Variants in DYSF observed in about 807,000 individuals in gnomAD.
The protein encoded by DYSF is dysferlin.
DYSF carries 212 observed loss-of-function variants against 274.9 expected under a neutral mutation model. That is an observed-to-expected ratio of 0.77 (90% CI 0.69 to 0.86). The LOEUF (loss-of-function observed/expected upper bound fraction) is 0.86, where lower values mean the gene tolerates loss of function less well. Ranked by LOEUF, DYSF falls within the 40% of genes least tolerant of loss-of-function variation. The pLI, the probability that DYSF is intolerant of heterozygous loss-of-function variation, is 0.00. For missense variants in DYSF, 2,666 were observed against 2,783.2 expected (o/e 0.96, Z 0.95); for synonymous variants, 1,091 against 1,078.7 (o/e 1.01, Z -0.22).
In DYSF at chr2:71,611,187, C is replaced by CT. The variant is rs1574337020; in HGVS notation, c.3958-53dup. 6.2e-6 allele frequency: 8 copies of CT among 1,288,718 alleles called. No individual in the cohort carries two copies. In the East Asian group the frequency reaches 1.8e-4, roughly 30 times the overall value. The allele number at this position is 1,288,718 out of a possible 1,614,324, so 79.8% of individuals were successfully genotyped here. Reference sequence around the variant, plus strand: ...TGTCCTATCTGTCCTTCTCTCTTGTCTTTTTGCCTTGGTCTTCCTTCCACC... The same window carrying CT: ...TGTCCTATCTGTCCTTCTCTCTTGTCTTTTTTGCCTTGGTCTTCCTTCCACC... On this transcript the variant is annotated intron_variant, in intron 36 of 55. Transcript: ENST00000410020.
intron 30 of DYSF, among the ~76,000 whole-genome samples, chr2:71,583,001 G>T (rs1162516938): frequency 2.5e-5 from 3 of 120,042 alleles, no homozygotes; most frequent in African/African-American, 9.6e-5. Context: ...CTGTGATTGC[G>T]CCACTGCACT....
chr2:71,468,491 C>T (rs2081706756), intron 1 of DYSF, among the ~76,000 whole-genome samples: 1 of 152,116 alleles, frequency 6.6e-6, no homozygotes, highest in South Asian at 2.1e-4. Flanking sequence ...CCCTTGAGGC[C>T]CCTCTTTACT....
chr2:71,678,340 C>A (rs1296874588), intron 52 of DYSF, among the ~76,000 whole-genome samples: 2 of 151,582 alleles, frequency 1.3e-5, no homozygotes, highest in African/African-American at 4.9e-5. Flanking sequence ...CTTACTCAAC[C>A]ATAAAAAAAA....
intron 32 of DYSF, among the ~76,000 whole-genome samples, chr2:71,593,319 T>A (rs1292185903): frequency 6.6e-6 from 1 of 151,588 alleles, no homozygotes; most frequent in Non-Finnish European, 1.5e-5. Context: ...TTAGTAGAGA[T>A]GAGATTTCCC....
intron 42 of DYSF, among the ~76,000 whole-genome samples, chr2:71,646,326 G>A (rs922687091): frequency 1.3e-5 from 2 of 152,222 alleles, no homozygotes; most frequent in Non-Finnish European, 2.9e-5. Flanking sequence ...CTGGCCCCTC[G>A]CTGCTCCCTC....
At chr2:71,469,829 G>A (rs79326814) in intron 1 of DYSF, among the ~76,000 whole-genome samples, 16 of 152,062 alleles carry the variant, frequency 1.1e-4, no homozygotes, top group East Asian at 9.7e-4. Flanking sequence ...TTGTGTCAAC[G>A]AGCAGCTTAA....
Position 71,539,249 on chromosome 2 carries a change from C to T in DYSF, c.1576+10C>T, listed in dbSNP as rs2152767049. On this transcript the variant is annotated intron_variant, in intron 17 of 55. Coordinates refer to ENST00000410020, the MANE Select transcript of DYSF (RefSeq NM_001130987.2). ...GGAGGAGAAATAGAAGGTATGTTCC[C>T]TCTTCGTTCTGCCCTTTGACCCCCT... 5.0e-6 allele frequency: 8 copies of T among 1,612,332 alleles called. No individual in the cohort carries two copies. The highest frequency in any genetic ancestry group is 6.8e-6 in the Non-Finnish European group (8 of 1,178,420).
chr2:71,524,373 C>T (rs1458457937), intron 12 of DYSF, among the ~76,000 whole-genome samples: 1 of 152,186 alleles, frequency 6.6e-6, no homozygotes, highest in Non-Finnish European at 1.5e-5. Flanking sequence ...ACAGTAGGTG[C>T]TCAGTCAGTG....
At chr2:71,581,292 C>G (rs2092888554) in intron 30 of DYSF, among the ~76,000 whole-genome samples, 1 of 152,224 alleles carries the variant, frequency 6.6e-6, no homozygotes, top group East Asian at 1.9e-4. Context: ...CCCCAGGGGC[C>G]AGCCAGTAGT....
chr2:71,480,972 T>G, intron 2 of DYSF, 34 bp downstream of exon 2: 1 of 1,603,558 alleles, frequency 6.2e-7, no homozygotes, highest in Non-Finnish European at 8.5e-7. Flanking sequence ...TTTCTCTCTG[T>G]CTGCTGCAGT....
chr2:71,663,041 G>GTGTGCATATTTGTGTGTGTTTGTCTGTGT (rs1558764048), intron 45 of DYSF, among the ~76,000 whole-genome samples: 1 of 152,132 alleles, frequency 6.6e-6, no homozygotes, highest in Non-Finnish European at 1.5e-5. Context: ...GTGTGTGTGT[G>GTGTGCATATTTGTGTGTGTTTGTCTGTGT]CGCGCACGCG....
At chr2:71,528,469 G>A (rs1261503051) in intron 14 of DYSF, 68 bp downstream of exon 14, 1 of 1,358,626 alleles carries the variant, frequency 7.4e-7, no homozygotes, top group South Asian at 1.2e-5. Flanking sequence ...GACTGTGCCG[G>A]GTGAGAGCAA....
At chr2:71,484,440 G>A (rs1476061385) in intron 3 of DYSF, among the ~76,000 whole-genome samples, 1 of 152,150 alleles carries the variant, frequency 6.6e-6, no homozygotes, top group Non-Finnish European at 1.5e-5. Context: ...TCTGACACAG[G>A]CATAATGTAT....
In DYSF at chr2:71,560,744, C is replaced by CAGCCGGG. The variant is rs1247841381; in HGVS notation, c.2217-998_2217-992dup. ...CGGGGAAATTGGCAGAAAAATAAATCAGCCGGGAGCCGGGAGTCAGACGCT... is the reference window on the plus strand; with the variant it reads ...CGGGGAAATTGGCAGAAAAATAAATCAGCCGGGAGCCGGGAGCCGGGAGTCAGACGCT... On this transcript the variant is annotated intron_variant, in intron 22 of 55. Transcript: ENST00000410020. 5.3e-5 allele frequency among the ~76,000 whole-genome samples: 8 copies of CAGCCGGG among 152,248 alleles called. No homozygotes were observed. In the East Asian group the frequency reaches 9.7e-4, roughly 18 times the overall value.
chr2:71,585,332 G>T (rs1165761110), intron 30 of DYSF, among the ~76,000 whole-genome samples: 12 of 152,206 alleles, frequency 7.9e-5, no homozygotes, highest in African/African-American at 2.9e-4. Context: ...GGTCGGGCAG[G>T]GATGGCCTCT....
intron 30 of DYSF, among the ~76,000 whole-genome samples, chr2:71,583,520 G>T (rs2092964946): frequency 6.6e-6 from 1 of 152,204 alleles, no homozygotes; most frequent in Non-Finnish European, 1.5e-5. Context: ...TGCCTGCTCA[G>T]CCCCAGGAAG....
At chr2:71,608,476 A>C (rs1477509121) in intron 36 of DYSF, among the ~76,000 whole-genome samples, 4 of 152,130 alleles carry the variant, frequency 2.6e-5, no homozygotes, top group African/African-American at 9.7e-5. Flanking sequence ...CTTGGGATGC[A>C]TGCTGTGGCC....
At chr2:71,581,307 C>G (rs1485106373) in intron 30 of DYSF, among the ~76,000 whole-genome samples, 1 of 152,208 alleles carries the variant, frequency 6.6e-6, no homozygotes, top group Non-Finnish European at 1.5e-5. Flanking sequence ...AGTAGTTTTG[C>G]AAGGAGTTTA....
chr2:71,543,422 G>A (rs1284034809), intron 17 of DYSF, among the ~76,000 whole-genome samples: 3 of 149,836 alleles, frequency 2.0e-5, no homozygotes, highest in East Asian at 2.0e-4. Flanking sequence ...GACGATGGGC[G>A]GCCAGGCAGA....
Sources: gnomAD v4.1 joint callset for allele counts (sites outside exome capture counted in the v4.1 genomes callset) on GRCh38, gnomAD v4.1.1 for gene constraint, MANE v1.5 for transcripts, NCBI Gene and HGNC (gene_info 2026-07-23, HGNC 2026-07-21) for gene names.